PIP5K1B: variants seen among roughly 807,000 people sequenced by gnomAD.
PIP5K1B encodes the protein phosphatidylinositol 4-phosphate 5-kinase type-1 beta.
Under a neutral mutation model 67.0 loss-of-function variants are expected in PIP5K1B, and 42 were observed. That is an observed-to-expected ratio of 0.63 (90% CI 0.49 to 0.81). The LOEUF (loss-of-function observed/expected upper bound fraction) is 0.81, where lower values mean the gene tolerates loss of function less well. Among genes scored for constraint, PIP5K1B ranks in the 30% least tolerant of loss-of-function variants. The probability of loss-of-function intolerance (pLI) is 0.00; values close to 1 mark genes in which losing one functional copy is unlikely to be tolerated. For missense variants in PIP5K1B, 459 were observed against 646.3 expected (o/e 0.71, Z 3.14); for synonymous variants, 214 against 231.4 (o/e 0.92, Z 0.68).
chr9:68,738,840 A>G (rs1483181063), intron 1 of PIP5K1B, among the ~76,000 whole-genome samples: 1 of 152,186 alleles, frequency 6.6e-6, no homozygotes, highest in East Asian at 1.9e-4. Flanking sequence ...TCAACGCTTC[A>G]ATCCAAGTTT....
intron 6 of PIP5K1B, among the ~76,000 whole-genome samples, chr9:68,877,248 C>G (rs972338855): frequency 6.6e-6 from 1 of 152,172 alleles, no homozygotes; most frequent in African/African-American, 2.4e-5. Flanking sequence ...TTCTCAAGAT[C>G]TCTTCAGGCA....
intron 2 of PIP5K1B, among the ~76,000 whole-genome samples, chr9:68,803,952 G>A (rs1456706425): frequency 6.6e-6 from 1 of 152,158 alleles, no homozygotes; most frequent in African/African-American, 2.4e-5. Context: ...GTTGAGGAAG[G>A]TCATGAATGA....
chr9:68,888,836 TC>T, intron 6 of PIP5K1B, 144 bp from the exon 7 acceptor site: 1 of 532,544 alleles, frequency 1.9e-6, no homozygotes, highest in Non-Finnish European at 3.3e-6. Flanking sequence ...AAGAGCCTTC[TC>T]GGTATACGTG....
In PIP5K1B at chr9:68,956,392, C is replaced by T. The variant is rs574892935; in HGVS notation, c.1502+15602C>T. Among the ~76,000 whole-genome samples the T allele has an allele frequency of 1.1e-4, 17 of 152,324 alleles. No homozygotes were observed. The South Asian group carries it at 3.3e-3, about 30-fold the overall frequency. ...AGCTGAGGCAGGAGAATCACTTGAA[C>T]CCCGGAGGCAGAGGTTGCATCAGCC... On this transcript the variant is annotated intron_variant, in intron 14 of 15. Transcript: ENST00000265382.
At chr9:68,916,109 A>G (rs1321791365) in intron 8 of PIP5K1B, among the ~76,000 whole-genome samples, 2 of 152,228 alleles carry the variant, frequency 1.3e-5, no homozygotes, top group African/African-American at 4.8e-5. Context: ...GGTGTTTCCT[A>G]GCTAAAGTAT....
intron 4 of PIP5K1B, chr9:68,843,305 G>A (rs2132163382): frequency 6.6e-6 from 1 of 152,306 alleles, no homozygotes; most frequent in Non-Finnish European, 1.5e-5. Flanking sequence ...CAAGGAGGGA[G>A]GAAATGACTA....
intron 2 of PIP5K1B, among the ~76,000 whole-genome samples, chr9:68,797,652 A>AT (rs1203787812): frequency 6.6e-6 from 1 of 152,158 alleles, no homozygotes; most frequent in Non-Finnish European, 1.5e-5. Flanking sequence ...ATGACATACT[A>AT]TTTTCCTGTC....
chr9:68,801,145 T>C (rs1350292285), intron 2 of PIP5K1B, among the ~76,000 whole-genome samples: 1 of 152,140 alleles, frequency 6.6e-6, no homozygotes, highest in African/African-American at 2.4e-5. Flanking sequence ...AAATTTAATT[T>C]GTGTGTGTGA....
At chr9:68,784,308 G>A (rs925983797) in intron 2 of PIP5K1B, 11 of 150,474 alleles carry the variant, frequency 7.3e-5, no homozygotes, top group African/African-American at 3.0e-4. Context: ...AAAGTCAATA[G>A]CAACATTTAT....
intron 15 of PIP5K1B, among the ~76,000 whole-genome samples, chr9:68,994,616 C>A (rs1282855732): frequency 1.3e-5 from 2 of 152,116 alleles, no homozygotes; most frequent in Non-Finnish European, 2.9e-5. Flanking sequence ...AATAAAAAGG[C>A]AAACAACATC....
chr9:68,778,756 T>C (rs143110781), intron 2 of PIP5K1B, among the ~76,000 whole-genome samples: 54 of 152,342 alleles, frequency 3.5e-4, no homozygotes, highest in Non-Finnish European at 6.6e-4. Context: ...CGTTTCATCA[T>C]ATTCAGAATG....
intron 2 of PIP5K1B, among the ~76,000 whole-genome samples, chr9:68,745,306 T>C (rs1237520079): frequency 1.3e-5 from 2 of 152,088 alleles, no homozygotes; most frequent in Non-Finnish European, 2.9e-5. Context: ...TCAATCATTC[T>C]CTCCTTTTAG....
intron 7 of PIP5K1B, among the ~76,000 whole-genome samples, chr9:68,894,096 A>G (rs1303119596): frequency 3.3e-5 from 5 of 152,236 alleles, no homozygotes; most frequent in Non-Finnish European, 7.3e-5. Flanking sequence ...GTTGGAGCCA[A>G]TTTGGGACAT....
At position 68,802,333 on chromosome 9, in the gene PIP5K1B, T is replaced by C. The variant is rs74589083; in HGVS notation, c.-85-16128T>C. Among the ~76,000 whole-genome samples the C allele has an allele frequency of 4.0e-3, 617 of 152,348 alleles. 3 individuals carry two copies. The highest frequency in any genetic ancestry group is 0.014 in the African/African-American group (563 of 41,584). On this transcript the variant is annotated intron_variant, in intron 2 of 15. Coordinates refer to ENST00000265382, the MANE Select transcript of PIP5K1B (RefSeq NM_003558.4). ...AAAAAATGAGACATCCTTTCTGAAC[T>C]CAAGGTAGCTTATCTAAGAACAACA... is the stretch of plus-strand genomic sequence containing the variant.
At chr9:68,902,978 CA>C (rs1356995658) in intron 8 of PIP5K1B, among the ~76,000 whole-genome samples, 1 of 152,154 alleles carries the variant, frequency 6.6e-6, no homozygotes, top group African/African-American at 2.4e-5. Flanking sequence ...TGAGACTATG[CA>C]ACTGACAAGA....
At chr9:69,003,185 A>G (rs1446250001) in intron 15 of PIP5K1B, among the ~76,000 whole-genome samples, 1 of 152,050 alleles carries the variant, frequency 6.6e-6, no homozygotes, top group Admixed American at 6.6e-5. Flanking sequence ...TGGCAACGAG[A>G]GGAACATCAG....
At chr9:68,780,656 T>C in intron 2 of PIP5K1B, 1 of 1,614,206 alleles carries the variant, frequency 6.2e-7, no homozygotes, top group Non-Finnish European at 8.5e-7. Flanking sequence ...TGCAAAGTTT[T>C]GTAAGTAGCA....
intron 14 of PIP5K1B, among the ~76,000 whole-genome samples, chr9:68,987,536 TG>T (rs1387513548): frequency 2.0e-5 from 3 of 152,204 alleles, no homozygotes; most frequent in Admixed American, 6.5e-5. Context: ...CACTCTAGCC[TG>T]GGCAACAGAG....
chr9:68,791,131 C>T (rs1460315451), intron 2 of PIP5K1B, among the ~76,000 whole-genome samples: 9 of 152,108 alleles, frequency 5.9e-5, no homozygotes, highest in Non-Finnish European at 8.8e-5. Flanking sequence ...GCTAGCAAGG[C>T]GTGTTGTGAA....
Sources: gnomAD v4.1 joint callset for allele counts (sites outside exome capture counted in the v4.1 genomes callset) on GRCh38, gnomAD v4.1.1 for gene constraint, MANE v1.5 for transcripts, NCBI Gene and HGNC (gene_info 2026-07-23, HGNC 2026-07-21) for gene names.